Variants in NPHP1 observed in about 807,000 individuals in gnomAD.
The protein encoded by NPHP1 is nephrocystin-1.
NPHP1 carries 70 observed loss-of-function variants against 90.4 expected under a neutral mutation model. The observed-to-expected ratio is 0.77, with a 90% CI of 0.64 to 0.95. The LOEUF is 0.95. Ranked by LOEUF, NPHP1 falls within the 40% of genes least tolerant of loss-of-function variation. The pLI is 0.00. For synonymous variants in NPHP1, 256 were observed against 271.7 expected, an observed-to-expected ratio of 0.94 and a Z score of 0.57; for missense variants, 764 against 795.9, an observed-to-expected ratio of 0.96 and a Z score of 0.48.
intron 16 of NPHP1, among the ~76,000 whole-genome samples, chr2:110,141,395 ATT>A (rs1400445717): frequency 6.6e-6 from 1 of 152,066 alleles, no homozygotes; most frequent in Non-Finnish European, 1.5e-5. Flanking sequence ...TATTATTATT[ATT>A]ATGTCCATTT....
intron 13 of NPHP1, 134 bp from the exon 14 acceptor site, chr2:110,146,969 T>C (rs1681100618): frequency 2.9e-6 from 2 of 695,624 alleles, no homozygotes; most frequent in Non-Finnish European, 2.6e-6. Context: ...GAAAATAAAA[T>C]GAAACACAGT....
At chr2:110,190,683 A>G (rs1335943397) in intron 2 of NPHP1, among the ~76,000 whole-genome samples, 1 of 152,170 alleles carries the variant, frequency 6.6e-6, no homozygotes, top group African/African-American at 2.4e-5. Context: ...GTGCCGCCAA[A>G]GTGGGAGCCC....
chr2:110,204,150 G>A (rs1300651421), intron 1 of NPHP1, among the ~76,000 whole-genome samples: 1 of 152,034 alleles, frequency 6.6e-6, no homozygotes, highest in African/African-American at 2.4e-5. Context: ...TTGAGCCTAG[G>A]TGCATACACA....
At position 110,123,779 on chromosome 2, in the gene NPHP1, A is replaced by G; in HGVS notation, c.*12T>C. On this transcript the variant is annotated 3_prime_UTR_variant, in exon 20 of 20. Transcript: ENST00000445609. ...GATTCCGTGGGAAGCTGAGGGCTAG[A>G]GGCTGCCACTGTCACACTGCATTCT... is the stretch of plus-strand genomic sequence containing the variant. 1 of 1,613,378 alleles carries G rather than the reference A, an allele frequency of 6.2e-7. No individual in the cohort carries two copies. The highest frequency in any genetic ancestry group is 1.8e-4 in the Middle Eastern group (1 of 5,692).
chr2:110,138,003 T>G (rs1680336866), intron 16 of NPHP1, among the ~76,000 whole-genome samples: 2 of 151,386 alleles, frequency 1.3e-5, no homozygotes, highest in African/African-American at 4.9e-5. Context: ...CCATAAAAAA[T>G]GATGAGTTCA....
intron 16 of NPHP1, among the ~76,000 whole-genome samples, chr2:110,136,406 T>C (rs1680205092): frequency 6.6e-6 from 1 of 152,106 alleles, no homozygotes; most frequent in Admixed American, 6.5e-5. Flanking sequence ...GATGACATGA[T>C]TGTATATCTA....
intron 16 of NPHP1, among the ~76,000 whole-genome samples, chr2:110,141,972 CA>C (rs397934223): frequency 2.3e-3 from 213 of 94,256 alleles, no homozygotes; most frequent in Admixed American, 3.7e-3. Flanking sequence ...GACTCTGTCT[CA>C]AAAAAAAAAA....
Position 110,157,493 on chromosome 2 carries a change from T to C in NPHP1, c.1083+2634A>G, listed in dbSNP as rs141532509. ...AAAGGCATTTTCTTCATGCTGGGGG[T>C]TAGCAGTATACTCAGCATGTGCAAA... On this transcript the variant is annotated intron_variant, in intron 11 of 19. Coordinates refer to ENST00000445609, the MANE Select transcript of NPHP1 (RefSeq NM_001128178.3). Among the ~76,000 whole-genome samples, 8 of 152,192 alleles carry C rather than the reference T, an allele frequency of 5.3e-5. No individual in the cohort carries two copies. In the East Asian group the frequency reaches 9.7e-4, roughly 18 times the overall value.
chr2:110,142,296 C>A (rs1411089033), intron 16 of NPHP1, among the ~76,000 whole-genome samples: 1 of 151,674 alleles, frequency 6.6e-6, no homozygotes, highest in Non-Finnish European at 1.5e-5. Flanking sequence ...TTGAAAATAT[C>A]ATAAGTTGAA....
At chr2:110,139,947 G>A (rs1327926890) in intron 16 of NPHP1, among the ~76,000 whole-genome samples, 3 of 152,130 alleles carry the variant, frequency 2.0e-5, no homozygotes, top group Non-Finnish European at 1.5e-5. Context: ...CCACCTCCAG[G>A]ATGCACAGGC....
chr2:110,169,459 C>T (rs576794521), intron 5 of NPHP1, among the ~76,000 whole-genome samples: 56 of 152,220 alleles, frequency 3.7e-4, no homozygotes, highest in African/African-American at 1.3e-3. Context: ...ACAGGAAAGA[C>T]TGCTACAAAA....
intron 4 of NPHP1, 83 bp from the exon 5 acceptor site, chr2:110,170,081 T>C: frequency 6.6e-7 from 1 of 1,510,774 alleles, no homozygotes; most frequent in South Asian, 1.1e-5. Flanking sequence ...TACATATACA[T>C]GAATATCCCA....
At chr2:110,179,923 A>G (rs1683770867) in intron 2 of NPHP1, among the ~76,000 whole-genome samples, 2 of 152,172 alleles carry the variant, frequency 1.3e-5, no homozygotes, top group Admixed American at 6.5e-5. Flanking sequence ...TCTGGGCATC[A>G]GTTTCCTCTC....
intron 2 of NPHP1, among the ~76,000 whole-genome samples, chr2:110,193,731 T>C (rs1449109412): frequency 6.6e-6 from 1 of 152,080 alleles, no homozygotes; most frequent in Non-Finnish European, 1.5e-5. Flanking sequence ...ACCACACCTA[T>C]TCCAAAATTG....
intron 2 of NPHP1, among the ~76,000 whole-genome samples, chr2:110,185,689 TG>T (rs1426029276): frequency 6.6e-6 from 1 of 152,160 alleles, no homozygotes; most frequent in African/African-American, 2.4e-5. Context: ...GGTTGACCTC[TG>T]TCTGGTTTTG....
chr2:110,185,033 A>G (rs760159442), intron 2 of NPHP1: 20 of 604,328 alleles, frequency 3.3e-5, no homozygotes, highest in Non-Finnish European at 5.5e-5. Context: ...TGAAGTGAAG[A>G]TCAGGATATT....
chr2:110,161,081 G>A (rs1471558776), intron 10 of NPHP1, among the ~76,000 whole-genome samples: 14 of 152,134 alleles, frequency 9.2e-5, no homozygotes, highest in African/African-American at 7.2e-5. Context: ...TGGGAGGGTC[G>A]CTTGAGCCCA....
intron 17 of NPHP1, among the ~76,000 whole-genome samples, chr2:110,130,063 G>A (rs1679672492): frequency 6.6e-6 from 1 of 152,254 alleles, no homozygotes; most frequent in Admixed American, 6.5e-5. Context: ...CCATCACGTG[G>A]CTGAAGGCAA....
chr2:110,131,684 CT>C lies in NPHP1; in HGVS notation c.1636del (p.Ser546ValfsTer4), dbSNP rs754137355. On this transcript the variant is annotated frameshift_variant, in exon 17 of 20. Coordinates refer to ENST00000445609, the MANE Select transcript of NPHP1 (RefSeq NM_001128178.3). LOFTEE classifies it high-confidence loss of function. ...AAGTGGCAAAGCCCACTTACCAGTA[CT>C]TTGCAAGCTCATCCTGTCTTTCAGG... ...VLLKDRMSLQ[S>X]TDLISHPMLA... 6.2e-7 allele frequency: 1 copy of C among 1,607,278 alleles called. No homozygotes were observed. The highest frequency in any genetic ancestry group is 1.1e-5 in the South Asian group (1 of 90,912).
Sources: gnomAD v4.1 joint callset for allele counts (sites outside exome capture counted in the v4.1 genomes callset) on GRCh38, gnomAD v4.1.1 for gene constraint, MANE v1.5 for transcripts, NCBI Gene and HGNC (gene_info 2026-07-23, HGNC 2026-07-21) for gene names.